CNBD1: variants seen among roughly 807,000 people sequenced by gnomAD.
The protein encoded by CNBD1 is cyclic nucleotide binding domain containing 1, also known as cyclic nucleotide-binding domain-containing protein 1.
Under a neutral mutation model 54.4 loss-of-function variants are expected in CNBD1, and 71 were observed. The observed-to-expected ratio is 1.30, with a 90% confidence interval of 1.08 to 1.59. The LOEUF (loss-of-function observed/expected upper bound fraction) is 1.59, where lower values mean the gene tolerates loss of function less well. CNBD1 is among the 40% of genes most tolerant of loss of function. CNBD1 has a pLI of 0.00. For synonymous variants in CNBD1, 182 were observed against 170.7 expected, an observed-to-expected ratio of 1.07 and a Z score of -0.51; for missense variants, 659 against 518.0, an observed-to-expected ratio of 1.27 and a Z score of -2.64.
intron 4 of CNBD1, among the ~76,000 whole-genome samples, chr8:87,142,779 C>T (rs931195824): frequency 1.3e-5 from 2 of 152,066 alleles, no homozygotes; most frequent in South Asian, 2.1e-4. Context: ...ACTAAAATGT[C>T]GGATTCTGGT....
chr8:86,997,380 G>T (rs577560120), intron 4 of CNBD1, among the ~76,000 whole-genome samples: 1 of 152,172 alleles, frequency 6.6e-6, no homozygotes, highest in Non-Finnish European at 1.5e-5. Context: ...TACACTAGGA[G>T]GAAGTTGTCT....
intron 4 of CNBD1, among the ~76,000 whole-genome samples, chr8:87,060,516 A>G (rs546675980): frequency 1.3e-5 from 2 of 152,292 alleles, no homozygotes; most frequent in South Asian, 2.1e-4. Context: ...CTGGTGTACT[A>G]TTTACTCCTT....
intron 4 of CNBD1, among the ~76,000 whole-genome samples, chr8:87,195,018 G>A (rs1813687296): frequency 6.6e-6 from 1 of 151,796 alleles, no homozygotes; most frequent in Non-Finnish European, 1.5e-5. Flanking sequence ...CGAGTAGCTG[G>A]GATTACAGGC....
intron 8 of CNBD1, among the ~76,000 whole-genome samples, chr8:87,294,098 A>T (rs1200485772): frequency 6.6e-6 from 1 of 152,184 alleles, no homozygotes; most frequent in Non-Finnish European, 1.5e-5. Context: ...AATATGAGTG[A>T]TAGTTGAAAG....
intron 2 of CNBD1, among the ~76,000 whole-genome samples, chr8:87,391,927 A>G (rs530589456): frequency 3.4e-4 from 52 of 152,234 alleles, no homozygotes; most frequent in African/African-American, 1.3e-3. Context: ...AAAATTGCAG[A>G]TAATTTCTAT....
chr8:87,214,594 T>C (rs1009604315), intron 5 of CNBD1, among the ~76,000 whole-genome samples: 1 of 152,224 alleles, frequency 6.6e-6, no homozygotes, highest in Admixed American at 6.5e-5. Flanking sequence ...ATCAATTTAC[T>C]TTATTAGTCT....
intron 3 of CNBD1, among the ~76,000 whole-genome samples, chr8:86,933,039 G>A (rs896397783): frequency 4.6e-5 from 7 of 152,096 alleles, no homozygotes; most frequent in African/African-American, 1.4e-4. Context: ...CAAAGAGGAC[G>A]GAGAAAGGTC....
intron 4 of CNBD1, among the ~76,000 whole-genome samples, chr8:87,193,008 A>T (rs1409147245): frequency 6.6e-6 from 1 of 152,202 alleles, no homozygotes; most frequent in African/African-American, 2.4e-5. Flanking sequence ...TTTGACTTCA[A>T]TCTTATATGT....
chr8:87,239,212 G>T (rs1390164017), intron 6 of CNBD1, among the ~76,000 whole-genome samples: 1 of 152,098 alleles, frequency 6.6e-6, no homozygotes, highest in African/African-American at 2.4e-5. Context: ...TGTGGTTTTT[G>T]TTGTTGTTTA....
At chr8:86,966,724 C>A (rs999655800) in intron 4 of CNBD1, among the ~76,000 whole-genome samples, 2 of 152,156 alleles carry the variant, frequency 1.3e-5, no homozygotes, top group Non-Finnish European at 2.9e-5. Context: ...AGGAGTGAAG[C>A]TGCAGACGTT....
At chr8:87,013,644 T>G (rs1356994254) in intron 4 of CNBD1, among the ~76,000 whole-genome samples, 2 of 151,610 alleles carry the variant, frequency 1.3e-5, no homozygotes, top group Non-Finnish European at 2.9e-5. Flanking sequence ...TTTTTGTTTT[T>G]TTTTTGCAAG....
chr8:87,225,352 C>A (rs1411873302), intron 5 of CNBD1, among the ~76,000 whole-genome samples: 1 of 151,658 alleles, frequency 6.6e-6, no homozygotes, highest in Non-Finnish European at 1.5e-5. Context: ...CCAGTTTTTG[C>A]CCATTCAGTA....
Position 87,044,267 on chromosome 8 carries a change from G to A in CNBD1, c.431+104513G>A, listed in dbSNP as rs1810135498. The stretch of plus-strand genomic sequence containing the variant: ...TTATTTTTGTATTATTTTTATTAAA[G>A]AGAGATAATGTTATATAAGTGTCAG... On this transcript the variant is annotated intron_variant, in intron 4 of 10. Coordinates refer to ENST00000518476, the MANE Select transcript of CNBD1 (RefSeq NM_173538.3). Among the ~76,000 whole-genome samples the A allele has an allele frequency of 2.6e-5, 4 of 151,708 alleles. No homozygotes were observed. The South Asian group carries it at 8.3e-4, about 31-fold the overall frequency.
At chr8:87,178,820 C>T (rs1474288924) in intron 4 of CNBD1, among the ~76,000 whole-genome samples, 1 of 152,152 alleles carries the variant, frequency 6.6e-6, no homozygotes, top group Non-Finnish European at 1.5e-5. Flanking sequence ...TAGAGTTTCA[C>T]CTTGATGGCA....
intron 3 of CNBD1, among the ~76,000 whole-genome samples, chr8:86,918,883 A>C (rs1186623842): frequency 6.6e-6 from 1 of 151,746 alleles, no homozygotes; most frequent in Non-Finnish European, 1.5e-5. Context: ...TACCCATTAC[A>C]TAGTTTCTTT....
intron 3 of CNBD1, among the ~76,000 whole-genome samples, chr8:86,907,803 C>T (rs1809041010): frequency 6.6e-6 from 1 of 152,056 alleles, no homozygotes; most frequent in African/African-American, 2.4e-5. Flanking sequence ...TGTGATATAT[C>T]TATAGATACC....
chr8:87,197,984 A>G (rs1015952316), intron 4 of CNBD1, among the ~76,000 whole-genome samples: 5 of 152,208 alleles, frequency 3.3e-5, no homozygotes, highest in Admixed American at 6.5e-5. Flanking sequence ...GACTTTGAGA[A>G]TGGTGGAGTG....
At chr8:86,901,520 T>C (rs1025802548) in intron 2 of CNBD1, among the ~76,000 whole-genome samples, 4 of 152,168 alleles carry the variant, frequency 2.6e-5, no homozygotes, top group Admixed American at 2.0e-4. Flanking sequence ...AGAAGAAATA[T>C]TGTATTAGGG....
intron 10 of CNBD1, among the ~76,000 whole-genome samples, chr8:87,381,683 G>A (rs1207520466): frequency 6.6e-6 from 1 of 151,902 alleles, no homozygotes. Context: ...GCCTTAAAAA[G>A]GAAATTCTGC....
Sources: allele counts gnomAD v4.1 joint callset (sites outside exome capture counted in the v4.1 genomes callset), GRCh38; gene constraint gnomAD v4.1.1; transcripts MANE v1.5; gene names NCBI Gene and HGNC (gene_info 2026-07-23, HGNC 2026-07-21).